HAVCR1: variants seen among roughly 807,000 people sequenced by gnomAD.
HAVCR1 encodes T cell immunoglobin domain and mucin domain protein 1.
Under a neutral mutation model 32.0 loss-of-function variants are expected in HAVCR1, and 34 were observed. The ratio of observed to expected loss-of-function variants is 1.06; its 90% confidence interval spans 0.81 to 1.42. The LOEUF (loss-of-function observed/expected upper bound fraction) is 1.42, where lower values mean the gene tolerates loss of function less well. HAVCR1 is among the 40% of genes most tolerant of loss of function. HAVCR1 has a pLI of 0.00. For missense variants in HAVCR1, 420 were observed against 442.3 expected, an observed-to-expected ratio of 0.95 and a Z score of 0.45; for synonymous variants, 178 against 170.3, an observed-to-expected ratio of 1.05 and a Z score of -0.35.
At chr5:157,061,760 G>T (rs150381993), upstream of HAVCR1, among the ~76,000 whole-genome samples, 4 of 152,212 alleles carry the variant, frequency 2.6e-5, no homozygotes, top group African/African-American at 9.6e-5. Flanking sequence ...AAACCCATAG[G>T]GAAAGACCAT....
the HAVCR1 span, among the ~76,000 whole-genome samples, chr5:157,064,352 A>AAG: frequency 9.7e-4 from 141 of 145,180 alleles, 4 homozygotes; most frequent in East Asian, 2.7e-3. Context: ...AAAAAAAAAA[A>AAG]AAAGAAAGAA....
chr5:157,048,703 G>T (rs932829705), intron 5 of HAVCR1, among the ~76,000 whole-genome samples: 1 of 152,032 alleles, frequency 6.6e-6, no homozygotes, highest in African/African-American at 2.4e-5. Context: ...GGTGGCGGGC[G>T]CCTGTAGTCC....
intron 5 of HAVCR1, among the ~76,000 whole-genome samples, chr5:157,043,668 CAA>C (rs897758070): frequency 1.3e-5 from 2 of 151,950 alleles, no homozygotes; most frequent in South Asian, 2.1e-4. Context: ...ACCCTGTCCC[CAA>C]AAAAGAGTAT....
intron 3 of HAVCR1, among the ~76,000 whole-genome samples, chr5:157,052,944 T>C (rs1755857786): frequency 6.6e-6 from 1 of 152,134 alleles, no homozygotes; most frequent in South Asian, 2.1e-4. Flanking sequence ...GGGCAGGGTC[T>C]CACTCTGTCA....
intron 1 of HAVCR1, 165 bp from the exon 2 acceptor site, chr5:157,058,120 C>T: frequency 3.3e-6 from 2 of 597,650 alleles, no homozygotes; most frequent in Non-Finnish European, 3.0e-6. Context: ...CTTCAGAGCT[C>T]TGTTAGTTCC....
intron 1 of HAVCR1, 95 bp from the exon 2 acceptor site, chr5:157,058,050 C>T (rs1756329750): frequency 1.1e-5 from 10 of 878,022 alleles, no homozygotes; most frequent in Non-Finnish European, 1.5e-5. Flanking sequence ...TCTTTTCACC[C>T]AGTTGGTTGA....
chr5:157,049,414 C>T (rs918851968), intron 4 of HAVCR1, among the ~76,000 whole-genome samples: 3 of 152,188 alleles, frequency 2.0e-5, no homozygotes, highest in Admixed American at 6.5e-5. Context: ...AGATAATGTT[C>T]CACATAGTCA....
At chr5:157,049,823 G>T (rs148492698) in intron 4 of HAVCR1, among the ~76,000 whole-genome samples, 1 of 152,280 alleles carries the variant, frequency 6.6e-6, no homozygotes, top group African/African-American at 2.4e-5. Context: ...CATTCCTTTA[G>T]GGGTGATTTC....
intron 6 of HAVCR1, among the ~76,000 whole-genome samples, chr5:157,039,946 C>CTA (rs929667320): frequency 2.0e-5 from 3 of 152,140 alleles, no homozygotes; most frequent in African/African-American, 7.2e-5. Context: ...GAACCGGCCT[C>CTA]TAAATTGTTT....
At chr5:157,038,475 G>C (rs1011747287) in intron 6 of HAVCR1, among the ~76,000 whole-genome samples, 1 of 152,152 alleles carries the variant, frequency 6.6e-6, no homozygotes, top group Non-Finnish European at 1.5e-5. Flanking sequence ...GTCACTATGT[G>C]ACCATGGACA....
chr5:157,069,247 A>G, the HAVCR1 span, among the ~76,000 whole-genome samples: 2 of 152,304 alleles, frequency 1.3e-5, no homozygotes, highest in East Asian at 3.9e-4. Flanking sequence ...ATTTCCCCTA[A>G]ATTTCTTGGC....
At chr5:157,044,086 C>G (rs1755078695) in intron 5 of HAVCR1, among the ~76,000 whole-genome samples, 1 of 152,110 alleles carries the variant, frequency 6.6e-6, no homozygotes, top group Non-Finnish European at 1.5e-5. Flanking sequence ...AATCCCAGCA[C>G]TTAGGGAGGC....
At chr5:157,042,327 A>G (rs1754952774) in intron 6 of HAVCR1, among the ~76,000 whole-genome samples, 1 of 151,862 alleles carries the variant, frequency 6.6e-6, no homozygotes, top group Admixed American at 6.6e-5. Context: ...CTGTAGTCCC[A>G]GCTATTCGGG....
intron 5 of HAVCR1, among the ~76,000 whole-genome samples, chr5:157,045,593 C>A (rs1354023213): frequency 6.6e-6 from 1 of 151,984 alleles, no homozygotes; most frequent in Non-Finnish European, 1.5e-5. Context: ...ATTTATAGCG[C>A]CTCCTCAATC....
At chr5:157,060,100 C>T (rs1004168843), upstream of HAVCR1, among the ~76,000 whole-genome samples, 1 of 152,032 alleles carries the variant, frequency 6.6e-6, no homozygotes, top group African/African-American at 2.4e-5. Flanking sequence ...CTTGTGCAAT[C>T]GGGCAGGGAC....
At chr5:157,048,154 T>G (rs1755519005) in intron 5 of HAVCR1, among the ~76,000 whole-genome samples, 3 of 152,114 alleles carry the variant, frequency 2.0e-5, no homozygotes. Context: ...TAAATACAAA[T>G]TTGATGAATC....
At chr5:157,052,676 A>G in intron 3 of HAVCR1, 22 bp from the exon 4 acceptor site, 2 of 1,604,538 alleles carry the variant, frequency 1.2e-6, no homozygotes, top group Non-Finnish European at 1.7e-6. Flanking sequence ...AATCAACATG[A>G]GAGTGAGCAT....
At chr5:157,055,641 A>T in intron 2 of HAVCR1, 108 bp from the exon 3 acceptor site, 1 of 645,196 alleles carries the variant, frequency 1.5e-6, no homozygotes, top group Non-Finnish European at 2.6e-6. Context: ...CAAGGCAGGC[A>T]GATCAACCCA....
chr5:157,056,376 G>T (rs1275488571), intron 2 of HAVCR1, among the ~76,000 whole-genome samples: 10 of 134,432 alleles, frequency 7.4e-5, no homozygotes. Flanking sequence ...TTTCTAAAAA[G>T]AATTTCTTCT....
Sources: allele counts gnomAD v4.1 joint callset (sites outside exome capture counted in the v4.1 genomes callset), GRCh38; gene constraint gnomAD v4.1.1; transcripts MANE v1.5; gene names NCBI Gene and HGNC (gene_info 2026-07-23, HGNC 2026-07-21).